Variants in DNAH5 observed in about 807,000 individuals in gnomAD.
DNAH5 encodes the protein axonemal beta dynein heavy chain 5.
Under a neutral mutation model 518.2 loss-of-function variants are expected in DNAH5, and 372 were observed. That is an observed-to-expected ratio of 0.72 (90% CI 0.66 to 0.78). The LOEUF is 0.78. DNAH5 is among the 30% of genes least tolerant of loss of function. The probability of loss-of-function intolerance (pLI) is 0.00; values close to 1 mark genes in which losing one functional copy is unlikely to be tolerated. For missense variants in DNAH5, 5,523 were observed against 5,687.0 expected (o/e 0.97, Z 0.93); for synonymous variants, 2,039 against 2,025.9 (o/e 1.01, Z -0.17).
At chr5:13,960,173 A>T (rs981504712) in intron 1 of DNAH5, among the ~76,000 whole-genome samples, 1 of 152,142 alleles carries the variant, frequency 6.6e-6, no homozygotes, top group Non-Finnish European at 1.5e-5. Context: ...AGTTCTTTCA[A>T]TCCCAGGAGA....
At chr5:13,913,179 A>G (rs1166092631) in intron 11 of DNAH5, among the ~76,000 whole-genome samples, 1 of 152,106 alleles carries the variant, frequency 6.6e-6, no homozygotes, top group Non-Finnish European at 1.5e-5. Flanking sequence ...TGTTTTTCTA[A>G]AATCTTCGAA....
At chr5:13,912,448 G>C (rs1241072091) in intron 11 of DNAH5, among the ~76,000 whole-genome samples, 1 of 148,442 alleles carries the variant, frequency 6.7e-6, no homozygotes. Flanking sequence ...TATATAACGT[G>C]TGTGTATGCA....
intron 1 of DNAH5, among the ~76,000 whole-genome samples, chr5:13,972,323 C>A (rs921711297): frequency 6.6e-6 from 1 of 152,208 alleles, no homozygotes; most frequent in Non-Finnish European, 1.5e-5. Flanking sequence ...TAGCTACACT[C>A]CCTGTTCACC....
intron 1 of DNAH5, among the ~76,000 whole-genome samples, chr5:14,005,164 C>A (rs1784635831): frequency 6.6e-6 from 1 of 152,198 alleles, no homozygotes; most frequent in African/African-American, 2.4e-5. Flanking sequence ...ATTCCTTTGC[C>A]AGCCTCCTCC....
At chr5:13,710,999 C>T in intron 75 of DNAH5, among the ~76,000 whole-genome samples, 1 of 151,966 alleles carries the variant, frequency 6.6e-6, no homozygotes, top group East Asian at 1.9e-4. Context: ...AAGAAGAAAC[C>T]CTCCTTAATT....
chr5:13,873,897 T>C (rs1373088107), intron 22 of DNAH5, among the ~76,000 whole-genome samples: 1 of 152,198 alleles, frequency 6.6e-6, no homozygotes, highest in Non-Finnish European at 1.5e-5. Context: ...GAAAAACAAA[T>C]TTAGCTGATA....
chr5:13,714,485 C>T lies in DNAH5; in HGVS notation c.13045G>A (p.Asp4349Asn). Reference protein sequence around the residue: ...IQPKDTSGGGDETREAVVARL... With the variant: ...IQPKDTSGGGNETREAVVARL... ...GCCACCACCGCCTCCCGGGTCTCAT[C>T]CCCTCCACCAGAGGTGTCCTTGGGT... The change falls in exon 75 of 79, where the codon GAT becomes AAT. Residue 4349 changes from aspartate (D) to asparagine (N), a missense_variant. Asp to Asn is a conservative substitution (Grantham distance 23, BLOSUM62 1). This residue lies in a region of DNAH5 where 387 missense variants were observed against 430.0 expected (regional missense o/e 0.90). Transcript: ENST00000265104. 5 of 1,614,150 alleles carry T rather than the reference C, an allele frequency of 3.1e-6. No individual in the cohort carries two copies. The highest frequency in any genetic ancestry group is 4.2e-6 in the Non-Finnish European group (5 of 1,180,006).
At chr5:13,915,612 T>C (rs917595662) in intron 9 of DNAH5, among the ~76,000 whole-genome samples, 12 of 152,124 alleles carry the variant, frequency 7.9e-5, no homozygotes, top group Non-Finnish European at 1.2e-4. Flanking sequence ...ACGTTTCCTA[T>C]TGAGCTCTTA....
chr5:13,835,207 C>T lies in DNAH5; in HGVS notation c.5882+4149G>A, dbSNP rs541054801. Among the ~76,000 whole-genome samples, 20 of 151,674 alleles carry T rather than the reference C, an allele frequency of 1.3e-4. 1 individual carries two copies. In the Middle Eastern group the frequency reaches 0.01, roughly 78 times the overall value. ...GGCTGAGGCAGGAGAATCACTTGAA[C>T]CTGGGAGGTTGCGGTGAGCGGAGAT... On this transcript the variant is annotated intron_variant, in intron 35 of 78. Transcript: ENST00000265104.
chr5:13,713,442 T>TATATATATATATATATACATCGAC (rs1561094183), intron 75 of DNAH5, among the ~76,000 whole-genome samples: 2 of 123,172 alleles, frequency 1.6e-5, no homozygotes, highest in Admixed American at 8.2e-5. Flanking sequence ...GACATATATA[T>TATATATATATATATATACATCGAC]ATATATATAT....
At chr5:13,880,158 A>C in intron 21 of DNAH5, among the ~76,000 whole-genome samples, 1 of 152,204 alleles carries the variant, frequency 6.6e-6, no homozygotes, top group East Asian at 1.9e-4. Context: ...TATATTCAAA[A>C]TACTGAAAGA....
intron 65 of DNAH5, among the ~76,000 whole-genome samples, chr5:13,744,631 T>C (rs1296508706): frequency 2.0e-5 from 3 of 152,030 alleles, no homozygotes; most frequent in African/African-American, 4.8e-5. Context: ...CAATTAAAAA[T>C]AAAATAAAAA....
chr5:13,743,154 G>C (rs1361061055), intron 65 of DNAH5, among the ~76,000 whole-genome samples: 3 of 151,994 alleles, frequency 2.0e-5, no homozygotes, highest in East Asian at 3.8e-4. Flanking sequence ...TCCCACCAAA[G>C]GGATTATCTC....
chr5:13,977,363 G>A (rs1437753270), intron 1 of DNAH5, among the ~76,000 whole-genome samples: 1 of 152,132 alleles, frequency 6.6e-6, no homozygotes, highest in African/African-American at 2.4e-5. Flanking sequence ...TCCCGTCTCT[G>A]TCCCCAGCTC....
chr5:13,911,390 AG>A lies in DNAH5; in HGVS notation c.1639del (p.Leu547PhefsTer23), dbSNP rs1580853061. The A allele has an allele frequency of 6.2e-6, 10 of 1,612,070 alleles. No homozygotes were observed. The highest frequency in any genetic ancestry group is 8.5e-6 in the Non-Finnish European group (10 of 1,178,190). On this transcript the variant is annotated frameshift_variant, in exon 12 of 79. Coordinates refer to ENST00000265104, the MANE Select transcript of DNAH5 (RefSeq NM_001369.3). LOFTEE classifies it high-confidence loss of function. ...GAATTTTATTATACAACCTACATGA[AG>A]GTCATTAGTCTGCTTGCAAAACTCT... ...YEEFCKQTND[L>X]HNELRKFMDV...
chr5:13,737,418 G>A lies in DNAH5; in HGVS notation c.11289C>T (p.Asn3763=), dbSNP rs370292064. The change falls in exon 66 of 79, where the codon AAC becomes AAT. Residue 3763 remains asparagine, a synonymous_variant. Coordinates refer to ENST00000265104, the MANE Select transcript of DNAH5 (RefSeq NM_001369.3). ...NKRRMKELED[N]LLYRLTSTQG... is the part of the protein sequence containing the mutation. ...GGGTACTTGTCAGGCGGTAAAGCAA[G>A]TTATCTTCTAGTTCCTTCATCCTTC... 8.1e-6 allele frequency: 13 copies of A among 1,614,048 alleles called. No individual in the cohort carries two copies. The African/African-American group carries it at 1.6e-4, about 20-fold the overall frequency.
chr5:13,912,185 A>C (rs1275326878), intron 11 of DNAH5, among the ~76,000 whole-genome samples: 1 of 152,098 alleles, frequency 6.6e-6, no homozygotes, highest in East Asian at 1.9e-4. Context: ...GCCATTCTCA[A>C]ACTCAGGTGC....
chr5:13,722,033 C>G (rs1745122238), intron 70 of DNAH5, among the ~76,000 whole-genome samples: 1 of 152,142 alleles, frequency 6.6e-6, no homozygotes, highest in Admixed American at 6.5e-5. Context: ...CTTCTTCCAC[C>G]TTAGATGGGT....
intron 18 of DNAH5, 139 bp downstream of exon 18, chr5:13,885,825 T>C (rs866811077): frequency 2.4e-6 from 2 of 838,170 alleles, no homozygotes; most frequent in South Asian, 3.5e-5. Context: ...AGGGCCATAA[T>C]TTCAGATTTA....
Sources: gnomAD v4.1 joint callset for allele counts (sites outside exome capture counted in the v4.1 genomes callset) on GRCh38, gnomAD v4.1.1 for gene constraint, gnomAD v4.1.1 regional missense constraint, MANE v1.5 for transcripts, NCBI Gene and HGNC (gene_info 2026-07-23, HGNC 2026-07-21) for gene names.